Variants in WWOX observed in about 807,000 individuals in gnomAD.
WWOX encodes WW domain containing oxidoreductase, also known as WW domain-containing oxidoreductase.
WWOX carries 69 observed loss-of-function variants against 46.2 expected under a neutral mutation model. That is an observed-to-expected ratio of 1.49 (90% CI 1.23 to 1.82). The LOEUF is 1.82. Ranked by LOEUF, WWOX falls within the 40% of genes most tolerant of loss-of-function variation. The pLI is 0.00. For synonymous variants in WWOX, 359 were observed against 202.6 expected (o/e 1.77, Z -6.56); for missense variants, 919 against 542.6 (o/e 1.69, Z -6.89).
rs566483161 is a variant in WWOX at position 78,726,825 on chromosome 16, G to A, written c.1056+294073G>A. Among the ~76,000 whole-genome samples the A allele has an allele frequency of 8.0e-4, 122 of 152,194 alleles. 2 individuals are homozygous for A. The highest frequency in any genetic ancestry group is 2.1e-3 in the South Asian group (10 of 4,818). ...AGTCCAGAATAGTTCTATGGAAATAGGAGGCTTTCAGTTTCTTCATCTGTA... is the reference window on the plus strand; with the variant it reads ...AGTCCAGAATAGTTCTATGGAAATAAGAGGCTTTCAGTTTCTTCATCTGTA... On this transcript the variant is annotated intron_variant, in intron 8 of 8. Transcript: ENST00000566780.
At chr16:78,751,983 A>C (rs2049493272) in intron 8 of WWOX, among the ~76,000 whole-genome samples, 1 of 146,096 alleles carries the variant, frequency 6.8e-6, no homozygotes, top group African/African-American at 2.6e-5. Context: ...AATACTTCTA[A>C]AGAGAATTGG....
At chr16:78,816,202 G>A (rs2051325944) in intron 8 of WWOX, among the ~76,000 whole-genome samples, 2 of 152,182 alleles carry the variant, frequency 1.3e-5, no homozygotes, top group Admixed American at 6.5e-5. Context: ...ATAAAGAATT[G>A]ATGTAAAATT....
At chr16:78,460,399 C>T (rs757321353) in intron 8 of WWOX, among the ~76,000 whole-genome samples, 9 of 152,312 alleles carry the variant, frequency 5.9e-5, no homozygotes, top group Non-Finnish European at 1.0e-4. Context: ...ATAGGTACCC[C>T]GCCTGGCTGA....
At chr16:79,020,825 C>T (rs535857705) in intron 8 of WWOX, among the ~76,000 whole-genome samples, 3 of 152,198 alleles carry the variant, frequency 2.0e-5, no homozygotes, top group Admixed American at 6.5e-5. Context: ...AATAAGTGGT[C>T]ACTTTGAGGT....
intron 8 of WWOX, among the ~76,000 whole-genome samples, chr16:79,165,970 C>A (rs1040226882): frequency 6.6e-6 from 1 of 152,126 alleles, no homozygotes; most frequent in Non-Finnish European, 1.5e-5. Context: ...TAGTTGCTCT[C>A]CTGTGAAAAT....
chr16:79,129,160 C>G (rs1247422184), intron 8 of WWOX, among the ~76,000 whole-genome samples: 1 of 151,866 alleles, frequency 6.6e-6, no homozygotes, highest in Non-Finnish European at 1.5e-5. Context: ...AGGCACTGTT[C>G]AAGCATTTGA....
chr16:78,488,119 G>T (rs1789737956), intron 8 of WWOX, among the ~76,000 whole-genome samples: 1 of 152,152 alleles, frequency 6.6e-6, no homozygotes, highest in African/African-American at 2.4e-5. Flanking sequence ...AGGAAACTTG[G>T]TAATGTAGAT....
At chr16:78,822,662 T>A (rs1452786484) in intron 8 of WWOX, among the ~76,000 whole-genome samples, 1 of 152,224 alleles carries the variant, frequency 6.6e-6, no homozygotes, top group Non-Finnish European at 1.5e-5. Flanking sequence ...TTTGAATCTT[T>A]CCATGATGAG....
rs534916557 is a variant in WWOX at position 78,569,345 on chromosome 16, C to T, written c.1056+136593C>T. Among the ~76,000 whole-genome samples the T allele has an allele frequency of 3.3e-5, 5 of 152,318 alleles. No homozygotes were observed. The East Asian group carries it at 9.7e-4, about 29-fold the overall frequency. ...ATTTCATATCACTGTTCAAACTTGACATCCACATTTGAGTTGGTTTAAAAT... is the reference window on the plus strand; with the variant it reads ...ATTTCATATCACTGTTCAAACTTGATATCCACATTTGAGTTGGTTTAAAAT... On this transcript the variant is annotated intron_variant, in intron 8 of 8. Transcript: ENST00000566780.
chr16:79,148,118 C>G (rs578063528), intron 8 of WWOX, among the ~76,000 whole-genome samples: 11 of 152,248 alleles, frequency 7.2e-5, no homozygotes, highest in Admixed American at 4.6e-4. Context: ...ATCAACTGAG[C>G]TTTTGTTGCC....
At chr16:78,928,715 T>C (rs2045556609) in intron 8 of WWOX, among the ~76,000 whole-genome samples, 1 of 152,192 alleles carries the variant, frequency 6.6e-6, no homozygotes, top group Admixed American at 6.5e-5. Context: ...TTTGGCTCTC[T>C]TTCATCAACA....
chr16:79,046,153 T>C (rs1319323733), intron 8 of WWOX, among the ~76,000 whole-genome samples: 3 of 152,282 alleles, frequency 2.0e-5, no homozygotes, highest in Middle Eastern at 3.4e-3. Flanking sequence ...TGCAGGACTG[T>C]GCTCAGCACA....
intron 8 of WWOX, among the ~76,000 whole-genome samples, chr16:79,076,609 C>G (rs1017615262): frequency 4.6e-5 from 7 of 152,190 alleles, no homozygotes; most frequent in Non-Finnish European, 7.3e-5. Context: ...GACCCAGTCA[C>G]AGTGATTCTA....
intron 8 of WWOX, among the ~76,000 whole-genome samples, chr16:79,002,846 C>T (rs2047120604): frequency 6.6e-6 from 1 of 152,246 alleles, no homozygotes; most frequent in South Asian, 2.1e-4. Context: ...ACTACCTCTT[C>T]GAGATGCTGA....
intron 8 of WWOX, among the ~76,000 whole-genome samples, chr16:78,529,718 C>T (rs946485056): frequency 1.3e-5 from 2 of 152,070 alleles, no homozygotes; most frequent in African/African-American, 2.4e-5. Flanking sequence ...CCACCCACCT[C>T]GGCCTCCCAA....
chr16:78,543,596 C>T (rs1427648456), intron 8 of WWOX, among the ~76,000 whole-genome samples: 2 of 152,176 alleles, frequency 1.3e-5, no homozygotes, highest in African/African-American at 4.8e-5. Context: ...ATACCATATG[C>T]TGAAAGACTT....
chr16:78,745,468 A>G (rs1309203046), intron 8 of WWOX, among the ~76,000 whole-genome samples: 2 of 125,204 alleles, frequency 1.6e-5, no homozygotes, highest in African/African-American at 3.1e-5. Flanking sequence ...GAAGGACCCT[A>G]TTTTAATGTT....
At chr16:78,899,267 A>G (rs114961317) in intron 8 of WWOX, 95 of 152,292 alleles carry the variant, frequency 6.2e-4, no homozygotes, top group African/African-American at 2.2e-3. Context: ...GAGTTCTTTT[A>G]TAAATGTGTT....
chr16:78,185,688 A>G (rs530695473), intron 5 of WWOX, among the ~76,000 whole-genome samples: 5 of 152,088 alleles, frequency 3.3e-5, no homozygotes, highest in Non-Finnish European at 7.4e-5. Flanking sequence ...TTATTTTTAC[A>G]TGGAGTCTCG....
Sources: gnomAD v4.1 joint callset for allele counts (sites outside exome capture counted in the v4.1 genomes callset) on GRCh38, gnomAD v4.1.1 for gene constraint, MANE v1.5 for transcripts, NCBI Gene and HGNC (gene_info 2026-07-23, HGNC 2026-07-21) for gene names.